Variants in PTAR1 observed in about 807,000 individuals in gnomAD.
PTAR1 encodes the protein protein prenyltransferase alpha subunit repeat containing 1.
Under a neutral mutation model 45.5 loss-of-function variants are expected in PTAR1, and 17 were observed. The ratio of observed to expected loss-of-function variants is 0.37; its 90% CI spans 0.26 to 0.56. The LOEUF (loss-of-function observed/expected upper bound fraction) is 0.56, where lower values mean the gene tolerates loss of function less well. PTAR1 is among the 20% of genes least tolerant of loss of function. The pLI is 0.77. For synonymous variants in PTAR1, 169 were observed against 171.3 expected, an observed-to-expected ratio of 0.99 and a Z score of 0.11; for missense variants, 391 against 476.3, an observed-to-expected ratio of 0.82 and a Z score of 1.67.
Position 69,734,194 on chromosome 9 carries a change from G to T in PTAR1, c.384C>A (p.Leu128=). The T allele has an allele frequency of 6.4e-7, 1 of 1,552,324 alleles. No homozygotes were observed. The highest frequency in any genetic ancestry group is 8.7e-7 in the Non-Finnish European group (1 of 1,144,358). ...GACTCTTTGGAAACTTGGTTAAGGC[G>T]AGTTTTCCCAGATGTAAATCCTTAA... ...NPIKDLHLGK[L]ALTKFPKSPE... The change falls in exon 4 of 8, where the codon CTC becomes CTA. Residue 128 remains leucine (L), a synonymous_variant. Coordinates refer to ENST00000340434, the MANE Select transcript of PTAR1 (RefSeq NM_001099666.2).
intron 5 of PTAR1, among the ~76,000 whole-genome samples, chr9:69,727,686 T>C (rs1306836067): frequency 6.6e-6 from 1 of 152,168 alleles, no homozygotes; most frequent in Non-Finnish European, 1.5e-5. Flanking sequence ...TTCTGTTCCA[T>C]TACTGAGTCT....
rs398010830 is a variant in PTAR1, at chr9:69,734,258, TAA to T, written c.324-6_324-5del. On this transcript the variant is annotated splice_polypyrimidine_tract_variant and splice_region_variant and intron_variant, in intron 3 of 7. Transcript: ENST00000340434. ...GCCAGAGAGGATCAGCTCTTTCCTG[TAA>T]AAAAAAAAAAAAAAAAAAAAAAAAA... 8,380 of 204,470 alleles carry T rather than the reference TAA, an allele frequency of 0.041. No homozygotes were observed. The highest frequency in any genetic ancestry group is 0.082 in the East Asian group (1,244 of 15,094). The allele number at this position is 204,470 out of a possible 1,614,324, so 12.7% of individuals were successfully genotyped here. A position where few individuals can be genotyped will look rare whatever the true frequency, so the allele number is the denominator to read the frequency against.
At chr9:69,750,124 G>C (rs574344335) in intron 2 of PTAR1, among the ~76,000 whole-genome samples, 1 of 151,982 alleles carries the variant, frequency 6.6e-6, no homozygotes, top group South Asian at 2.1e-4. Flanking sequence ...GCTTAATATG[G>C]CAGAACACCA....
chr9:69,759,911 C>G lies in PTAR1; in HGVS notation c.28G>C (p.Val10Leu). The change falls in exon 1 of 8, where the codon GTG becomes CTG. Residue 10 changes from valine (V) to leucine (L), a missense_variant. Val to Leu is a conservative substitution (Grantham distance 32). Transcript: ENST00000340434. ...TCCTTCACAACCCGCTGCACCAGCA[C>G]CGCCACCTCCTCGCTGGTCTCGGCC... MAETSEEVA[V>L]LVQRVVKDIT... is the part of the protein sequence containing the mutation. The G allele has an allele frequency of 6.6e-7, 1 of 1,524,318 alleles. No homozygotes were observed. Among genetic ancestry groups the G allele is most frequent in the Admixed American group, 2.1e-5 (1 of 48,604 alleles). The allele number at this position is 1,524,318 out of a possible 1,614,324, so 94.4% of individuals were successfully genotyped here. A position where few individuals can be genotyped will look rare whatever the true frequency, so the allele number is the denominator to read the frequency against.
chr9:69,749,739 A>T (rs1445193843), intron 2 of PTAR1, among the ~76,000 whole-genome samples: 1 of 152,146 alleles, frequency 6.6e-6, no homozygotes, highest in Non-Finnish European at 1.5e-5. Context: ...GGAAATCAGT[A>T]TGTCATACAT....
chr9:69,758,597 G>A (rs1826908102), intron 1 of PTAR1: 1 of 294,646 alleles, frequency 3.4e-6, no homozygotes, highest in Non-Finnish European at 7.4e-6. Flanking sequence ...GGTGTGTTTT[G>A]AGGCCAGCAG....
intron 2 of PTAR1, 114 bp from the exon 3 acceptor site, chr9:69,741,972 T>C (rs1189325217): frequency 1.5e-6 from 1 of 659,368 alleles, no homozygotes; most frequent in Non-Finnish European, 2.7e-6. Flanking sequence ...ATATCTCTCA[T>C]GTCATACTAA....
At chr9:69,745,561 T>G (rs750444668) in intron 2 of PTAR1, among the ~76,000 whole-genome samples, 2 of 152,188 alleles carry the variant, frequency 1.3e-5, no homozygotes, top group African/African-American at 2.4e-5. Flanking sequence ...AGCAAGTACT[T>G]AAGTCCCCGC....
intron 1 of PTAR1, among the ~76,000 whole-genome samples, chr9:69,755,143 C>T (rs1826715787): frequency 6.6e-6 from 1 of 152,054 alleles, no homozygotes; most frequent in Non-Finnish European, 1.5e-5. Flanking sequence ...ATTCAATTAC[C>T]TGCATAACTA....
At chr9:69,754,530 A>ATTTTTTT (rs1588489795) in intron 1 of PTAR1, among the ~76,000 whole-genome samples, 1 of 117,222 alleles carries the variant, frequency 8.5e-6, no homozygotes, top group African/African-American at 3.7e-5. Flanking sequence ...TTGGGTATAT[A>ATTTTTTT]TCTTTTTTTT....
chr9:69,748,380 C>T (rs1221085547), intron 2 of PTAR1, among the ~76,000 whole-genome samples: 1 of 143,608 alleles, frequency 7.0e-6, no homozygotes, highest in Non-Finnish European at 1.5e-5. Context: ...TCTCCCAAAC[C>T]GAATGTATTA....
chr9:69,744,804 C>T (rs1353982473), intron 2 of PTAR1, among the ~76,000 whole-genome samples: 1 of 152,172 alleles, frequency 6.6e-6, no homozygotes, highest in Admixed American at 6.5e-5. Flanking sequence ...TTCATTCACT[C>T]AACAAATTTT....
chr9:69,737,852 G>A (rs1825862358), intron 3 of PTAR1, among the ~76,000 whole-genome samples: 1 of 152,002 alleles, frequency 6.6e-6, no homozygotes, highest in Non-Finnish European at 1.5e-5. Flanking sequence ...AATAGTTTCA[G>A]GTTCGTAAAC....
chr9:69,749,544 G>C (rs1176142148), intron 2 of PTAR1, among the ~76,000 whole-genome samples: 2 of 151,976 alleles, frequency 1.3e-5, no homozygotes, highest in Non-Finnish European at 2.9e-5. Flanking sequence ...TTGGGCTATG[G>C]CTAAACTTAG....
intron 2 of PTAR1, among the ~76,000 whole-genome samples, chr9:69,744,125 C>A (rs998556116): frequency 1.3e-5 from 2 of 152,110 alleles, no homozygotes; most frequent in Non-Finnish European, 2.9e-5. Context: ...GAAGTGAAAC[C>A]TTCTGAAACC....
At position 69,713,030 on chromosome 9, in the gene PTAR1, C is replaced by G. The variant is rs770378999; in HGVS notation, c.*5312G>C. The G allele has an allele frequency of 1.3e-5, 2 of 151,956 alleles. No homozygotes were observed. The highest frequency in any genetic ancestry group is 2.9e-5 in the Non-Finnish European group (2 of 67,990). 9.4% of individuals were successfully genotyped at this position (151,956 alleles called of 1,614,324 possible). A position where few individuals can be genotyped will look rare whatever the true frequency, so the allele number is the denominator to read the frequency against. Reference sequence around the variant, plus strand: ...TTTGCCACTGAATATAAAATTTGTCCTGAATTTACTAAATCTTCTACACCC... The same window carrying G: ...TTTGCCACTGAATATAAAATTTGTCGTGAATTTACTAAATCTTCTACACCC... On this transcript the variant is annotated 3_prime_UTR_variant, in exon 8 of 8. Transcript: ENST00000340434.
rs988545120 is a variant in PTAR1, at chr9:69,716,911, A to C, written c.*1431T>G. On this transcript the variant is annotated 3_prime_UTR_variant, in exon 8 of 8. Transcript: ENST00000340434. Reference sequence around the variant, plus strand: ...AAAGGTATACAAAAATGACACACAAAAGTGACAAAAAATACGTAATGGATT... The same window carrying C: ...AAAGGTATACAAAAATGACACACAACAGTGACAAAAAATACGTAATGGATT... 1.3e-5 allele frequency: 2 copies of C among 152,194 alleles called. No individual in the cohort carries two copies. Among genetic ancestry groups the C allele is most frequent in the African/African-American group, 4.8e-5 (2 of 41,454 alleles). The allele number at this position is 152,194 out of a possible 1,614,324, so 9.4% of individuals were successfully genotyped here. A position where few individuals can be genotyped will look rare whatever the true frequency, so the allele number is the denominator to read the frequency against.
chr9:69,750,991 A>G (rs1826503142), intron 1 of PTAR1, 41 bp from the exon 2 acceptor site: 1 of 1,340,408 alleles, frequency 7.5e-7, no homozygotes, highest in African/African-American at 1.5e-5. Context: ...AAATAAGGAT[A>G]CTAACCTTTT....
At chr9:69,753,353 T>A (rs1232080241) in intron 1 of PTAR1, among the ~76,000 whole-genome samples, 1 of 152,162 alleles carries the variant, frequency 6.6e-6, no homozygotes, top group East Asian at 1.9e-4. Context: ...AATAGCTGCT[T>A]CCTGAAAGGC....
Sources: allele counts gnomAD v4.1 joint callset (sites outside exome capture counted in the v4.1 genomes callset), GRCh38; gene constraint gnomAD v4.1.1; transcripts MANE v1.5; gene names NCBI Gene and HGNC (gene_info 2026-07-23, HGNC 2026-07-21).